The following PDE4B variants were observed in gnomAD, a reference collection of about 807,000 sequenced individuals.
PDE4B encodes the protein 3',5'-cyclic-AMP phosphodiesterase 4B.
A neutral mutation model predicts 82.2 loss-of-function variants in PDE4B; 20 were observed. The ratio of observed to expected loss-of-function variants is 0.24; its 90% CI spans 0.17 to 0.35. The LOEUF (loss-of-function observed/expected upper bound fraction) is 0.35. Among genes scored for constraint, PDE4B ranks in the 10% least tolerant of loss-of-function variants. PDE4B has a pLI of 1.00. For missense variants in PDE4B, 655 were observed against 907.2 expected, an observed-to-expected ratio of 0.72 and a Z score of 3.57; for synonymous variants, 320 against 318.9, an observed-to-expected ratio of 1.00 and a Z score of -0.04.
intron 3 of PDE4B, among the ~76,000 whole-genome samples, chr1:66,113,029 T>C (rs1645520842): frequency 6.6e-6 from 1 of 152,220 alleles, no homozygotes; most frequent in African/African-American, 2.4e-5. Flanking sequence ...TCTCTTGGTG[T>C]AGAGTTTTTG....
chr1:65,964,152 GACAC>G (rs1435370016), intron 3 of PDE4B, among the ~76,000 whole-genome samples: 1 of 152,080 alleles, frequency 6.6e-6, no homozygotes, highest in African/African-American at 2.4e-5. Flanking sequence ...TGGGTGAGCT[GACAC>G]ACACATATAC....
chr1:66,019,781 G>T (rs1206232826), intron 3 of PDE4B, among the ~76,000 whole-genome samples: 1 of 152,184 alleles, frequency 6.6e-6, no homozygotes, highest in Non-Finnish European at 1.5e-5. Flanking sequence ...TTCTTTTGTT[G>T]TTTAATCACA....
chr1:66,297,718 T>G (rs1237809928), intron 7 of PDE4B, among the ~76,000 whole-genome samples: 1 of 152,130 alleles, frequency 6.6e-6, no homozygotes, highest in African/African-American at 2.4e-5. Context: ...CCCTTAAAGG[T>G]GCTACCTCTC....
chr1:66,005,124 G>A (rs996319684), intron 3 of PDE4B, among the ~76,000 whole-genome samples: 6 of 151,988 alleles, frequency 3.9e-5, no homozygotes, highest in African/African-American at 1.4e-4. Flanking sequence ...TATATGTAAA[G>A]AGCATCCCAT....
chr1:66,359,449 T>C (rs1282090638), intron 9 of PDE4B, among the ~76,000 whole-genome samples: 2 of 152,246 alleles, frequency 1.3e-5, no homozygotes, highest in Non-Finnish European at 1.5e-5. Flanking sequence ...AAGCATTTAA[T>C]AGAGGAAATT....
At chr1:65,813,695 C>T (rs774921095) in intron 1 of PDE4B, among the ~76,000 whole-genome samples, 1 of 151,934 alleles carries the variant, frequency 6.6e-6, no homozygotes, top group South Asian at 2.1e-4. Context: ...ACCTTAATGG[C>T]AAATGGGTAG....
chr1:66,367,892 C>T, intron 14 of PDE4B, 42 bp downstream of exon 14: 2 of 1,612,836 alleles, frequency 1.2e-6, no homozygotes, highest in African/African-American at 2.7e-5. Flanking sequence ...TACTGCCATT[C>T]TCTCTGATAG....
chr1:66,119,957 G>C (rs1054143091), intron 3 of PDE4B, among the ~76,000 whole-genome samples: 6 of 152,152 alleles, frequency 3.9e-5, no homozygotes, highest in Admixed American at 1.3e-4. Flanking sequence ...CTTAGAGAGA[G>C]GCATGGAACA....
chr1:66,367,455 T>G, intron 13 of PDE4B: 1 of 356,588 alleles, frequency 2.8e-6, no homozygotes, highest in Non-Finnish European at 5.1e-6. Flanking sequence ...AGTAAAAGGA[T>G]TTTAAAATAC....
At chr1:66,368,175 C>A in intron 15 of PDE4B, 110 bp downstream of exon 15, 2 of 1,057,216 alleles carry the variant, frequency 1.9e-6, no homozygotes, top group South Asian at 1.7e-5. Context: ...TCCTAGGCTA[C>A]TCCTATAGCT....
chr1:65,847,504 G>C (rs532203448), intron 1 of PDE4B, among the ~76,000 whole-genome samples: 40 of 152,290 alleles, frequency 2.6e-4, no homozygotes, highest in African/African-American at 9.4e-4. Flanking sequence ...AGTTGATGGG[G>C]CTACCTCTTT....
At chr1:66,305,684 A>G (rs1658222919) in intron 7 of PDE4B, among the ~76,000 whole-genome samples, 1 of 152,158 alleles carries the variant, frequency 6.6e-6, no homozygotes, top group African/African-American at 2.4e-5. Context: ...GCTATTTCAG[A>G]AGATCTTATA....
chr1:65,969,943 A>T (rs1650043667), intron 3 of PDE4B, among the ~76,000 whole-genome samples: 2 of 152,108 alleles, frequency 1.3e-5, no homozygotes, highest in Admixed American at 1.3e-4. Flanking sequence ...TTATCAGAAA[A>T]TTATGGTCCA....
intron 7 of PDE4B, among the ~76,000 whole-genome samples, chr1:66,267,774 G>A (rs1570589738): frequency 6.6e-6 from 1 of 152,264 alleles, no homozygotes; most frequent in African/African-American, 2.4e-5. Context: ...GTAATTACGG[G>A]TTTCAAAATC....
chr1:65,808,168 AC>A (rs1383660649), intron 1 of PDE4B, among the ~76,000 whole-genome samples: 1 of 144,736 alleles, frequency 6.9e-6, no homozygotes, highest in Non-Finnish European at 1.5e-5. Flanking sequence ...GTAGACAAAC[AC>A]TTTTTTTTTT....
Position 65,982,196 on chromosome 1 carries a change from C to T in PDE4B, c.281+63361C>T, listed in dbSNP as rs115490299. Among the ~76,000 whole-genome samples, 801 of 152,242 alleles carry T rather than the reference C, an allele frequency of 5.3e-3. 4 individuals carry two copies. Among genetic ancestry groups the T allele is most frequent in the Non-Finnish European group, 9.0e-3 (615 of 67,998 alleles). ...AACATCTTCTTGGAAACTGGAGGAA[C>T]GGTGATCCTTATTATAAAATAGAAA... On this transcript the variant is annotated intron_variant, in intron 3 of 16. Coordinates refer to ENST00000341517, the MANE Select transcript of PDE4B (RefSeq NM_002600.4).
At chr1:66,279,551 G>A (rs1429225885) in intron 7 of PDE4B, among the ~76,000 whole-genome samples, 1 of 152,114 alleles carries the variant, frequency 6.6e-6, no homozygotes, top group Non-Finnish European at 1.5e-5. Flanking sequence ...CTTGAACTCG[G>A]GAAGTGGAGA....
intron 3 of PDE4B, among the ~76,000 whole-genome samples, chr1:66,086,486 G>A (rs2100977051): frequency 6.6e-6 from 1 of 152,230 alleles, no homozygotes; most frequent in Admixed American, 6.5e-5. Context: ...ATTTCTGATA[G>A]CCCACACTCT....
At chr1:65,995,303 A>G (rs1651477633) in intron 3 of PDE4B, among the ~76,000 whole-genome samples, 1 of 152,206 alleles carries the variant, frequency 6.6e-6, no homozygotes, top group Non-Finnish European at 1.5e-5. Flanking sequence ...ATCTGAATAC[A>G]TGCTTAACAT....
Sources: gnomAD v4.1 joint callset for allele counts (sites outside exome capture counted in the v4.1 genomes callset) on GRCh38, gnomAD v4.1.1 for gene constraint, MANE v1.5 for transcripts, NCBI Gene and HGNC (gene_info 2026-07-23, HGNC 2026-07-21) for gene names.